KIF26A: variants seen among roughly 807,000 people sequenced by gnomAD.
The protein encoded by KIF26A is kinesin family member 26A, also known as kinesin-like protein KIF26A.
A neutral mutation model predicts 126.0 loss-of-function variants in KIF26A; 74 were observed. That is an observed-to-expected ratio of 0.59 (90% CI 0.49 to 0.71). The LOEUF (loss-of-function observed/expected upper bound fraction) is 0.71. Ranked by LOEUF, KIF26A falls within the 30% of genes least tolerant of loss-of-function variation. The probability of loss-of-function intolerance (pLI) is 0.00; values close to 1 mark genes in which losing one functional copy is unlikely to be tolerated. For missense variants in KIF26A, 2,984 were observed against 2,763.3 expected, an observed-to-expected ratio of 1.08 and a Z score of -1.79; for synonymous variants, 1,445 against 1,232.7, an observed-to-expected ratio of 1.17 and a Z score of -3.61.
chr14:104,167,803 G>A (rs2037921226), intron 5 of KIF26A, among the ~76,000 whole-genome samples: 1 of 152,110 alleles, frequency 6.6e-6, no homozygotes, highest in African/African-American at 2.4e-5. Context: ...CTGCCCCTCG[G>A]CCTGCTCTGC....
At chr14:104,165,529 ATCTTTGTGTCTATGCGTGTG>A (rs2037882971) in intron 4 of KIF26A, among the ~76,000 whole-genome samples, 1 of 102,532 alleles carries the variant, frequency 9.8e-6, no homozygotes. Context: ...GCATGTGTGT[ATCTTTGTGTCTATGCGTGTG>A]TGTGTGTCTG....
In KIF26A at chr14:104,148,908, G is replaced by A. The variant is rs1441013885; in HGVS notation, c.289-3107G>A. Among the ~76,000 whole-genome samples the A allele has an allele frequency of 6.6e-6, 1 of 152,164 alleles. No individual in the cohort carries two copies. Among genetic ancestry groups the A allele is most frequent in the Non-Finnish European group, 1.5e-5 (1 of 68,034 alleles). On this transcript the variant is annotated intron_variant, in intron 2 of 14. Coordinates refer to ENST00000423312, the MANE Select transcript of KIF26A (RefSeq NM_015656.2). The surrounding 1 kb of genome is among the most constrained non-coding windows in gnomAD (Gnocchi z 4.3). ...GAGTGGGGTGCCGAGTTCTCCTCTT[G>A]TCTTAGCTGGACAGTGTGCTGGGCC... is the stretch of plus-strand genomic sequence containing the variant.
intron 4 of KIF26A, among the ~76,000 whole-genome samples, chr14:104,164,258 G>A (rs371284452): frequency 7.9e-5 from 12 of 152,102 alleles, no homozygotes; most frequent in Admixed American, 1.3e-4. Context: ...CTGTGGGGGG[G>A]GCGTGGGGCA....
chr14:104,167,986 T>C (rs1156428494), intron 5 of KIF26A, among the ~76,000 whole-genome samples: 1 of 152,110 alleles, frequency 6.6e-6, no homozygotes, highest in Non-Finnish European at 1.5e-5. Flanking sequence ...TGTGCCCACG[T>C]TGGAGACCCC....
chr14:104,174,138 C>T lies in KIF26A; in HGVS notation c.2031-10C>T, dbSNP rs768237524. ...CAAGGCCTTGGCATCTGAACCGCCT[C>T]GACCCGCAGGGACCACAGGCTCACC... On this transcript the variant is annotated splice_polypyrimidine_tract_variant and intron_variant, in intron 10 of 14. Transcript: ENST00000423312. 15 of 1,549,554 alleles carry T rather than the reference C, an allele frequency of 9.7e-6. No homozygotes were observed. The South Asian group carries it at 1.3e-4, about 14-fold the overall frequency.
chr14:104,175,844 C>T lies in KIF26A; in HGVS notation c.3056C>T (p.Thr1019Ile), dbSNP rs1372857327. Residue 1019 changes from threonine (T) to isoleucine (I), a missense_variant, in exon 12 of 15, where the codon ACC (threonine) becomes ATC (isoleucine). Thr to Ile is a moderately conservative substitution (Grantham distance 89). Coordinates refer to ENST00000423312, the MANE Select transcript of KIF26A (RefSeq NM_015656.2). ...PERGLLTTTV[T>I]LQRPVELNGE... ...CGGGGCCTGCTCACCACCACAGTGA[C>T]CCTGCAGCGGCCAGTGGAGCTCAAC... 6.5e-7 allele frequency: 1 copy of T among 1,539,036 alleles called. No homozygotes were observed. The highest frequency in any genetic ancestry group is 1.2e-5 in the South Asian group (1 of 84,138).
Position 104,148,653 on chromosome 14 carries a change from C to T in KIF26A, c.289-3362C>T, listed in dbSNP as rs1450937294. Among the ~76,000 whole-genome samples the T allele has an allele frequency of 1.3e-4, 2 of 14,932 alleles. No individual in the cohort carries two copies. The highest frequency in any genetic ancestry group is 1.6e-3 in the South Asian group (1 of 642). The allele number at this position is 14,932 out of a possible 152,430, so 9.8% of individuals were successfully genotyped here. On this transcript the variant is annotated intron_variant, in intron 2 of 14. Transcript: ENST00000423312. This position sits in a 1 kb window ranked among gnomAD's most constrained non-coding sequence, Gnocchi z 4.3. ...GTTGTTGTTGGCGGTGGGGGCTGTG[C>T]GTGGCCGGGGAGGGGGAGGGGGAGG... is the stretch of plus-strand genomic sequence containing the variant.
chr14:104,158,493 G>A (rs564601306), intron 4 of KIF26A, among the ~76,000 whole-genome samples: 29 of 152,324 alleles, frequency 1.9e-4, no homozygotes, highest in African/African-American at 6.0e-4. Flanking sequence ...GGGTGCCCAC[G>A]GTGCCAGCCG....
At position 104,177,775 on chromosome 14, in the gene KIF26A, C is replaced by G; in HGVS notation, c.4987C>G (p.Leu1663Val). 1 of 1,548,942 alleles carries G rather than the reference C, an allele frequency of 6.5e-7. No individual in the cohort carries two copies. The highest frequency in any genetic ancestry group is 8.7e-7 in the Non-Finnish European group (1 of 1,154,692). Residue 1663 changes from leucine to valine, a missense_variant, in exon 12 of 15, where the codon CTG (leucine) becomes GTG (valine). Transcript: ENST00000423312. ...HSGGSSGYES[L>V]RRDSEATGSA... is the part of the protein sequence containing the mutation. ...CGGTGGCAGCAGTGGCTATGAGAGC[C>G]TGCGGCGCGACAGCGAGGCCACCGG...
rs529315066 is a variant in KIF26A, at chr14:104,175,345, G to A, written c.2557G>A (p.Gly853Ser). 16 of 1,602,838 alleles carry A rather than the reference G, an allele frequency of 1.0e-5. No homozygotes were observed. Among genetic ancestry groups the A allele is most frequent in the East Asian group, 8.9e-5 (4 of 44,788 alleles). Residue 853 changes from glycine (G) to serine (S), a missense_variant, in exon 12 of 15, where the codon GGC (glycine) becomes AGC (serine). Gly to Ser is a moderately conservative substitution (Grantham distance 56). Coordinates refer to ENST00000423312, the MANE Select transcript of KIF26A (RefSeq NM_015656.2). The stretch of plus-strand genomic sequence containing the variant: ...GCAGGAGCGGCTGGAATGCATGGAC[G>A]GCAACGAGGGTCCCTCAGGAGGTCC... ...ELQERLECMD[G>S]NEGPSGGPGG...
chr14:104,147,224 TA>T (rs889686011), intron 2 of KIF26A, among the ~76,000 whole-genome samples: 32 of 152,134 alleles, frequency 2.1e-4, no homozygotes, highest in African/African-American at 7.0e-4. Context: ...GTCTGGCCTT[TA>T]ACCACCCATA....
intron 4 of KIF26A, among the ~76,000 whole-genome samples, chr14:104,165,705 C>G (rs1359848272): frequency 1.4e-5 from 2 of 139,338 alleles, no homozygotes; most frequent in African/African-American, 6.6e-5. Context: ...GTCTCTGTCT[C>G]TGTGCATATG....
At position 104,166,844 on chromosome 14, in the gene KIF26A, G is replaced by C. The variant is rs2037909417; in HGVS notation, c.924-15G>C. On this transcript the variant is annotated splice_polypyrimidine_tract_variant and intron_variant, in intron 4 of 14. Coordinates refer to ENST00000423312, the MANE Select transcript of KIF26A (RefSeq NM_015656.2). ...GTCACCCACCACTGATCCTGCCTCT[G>C]CCTCTCCTCCCCAGGGCTATGCAGA... The C allele has an allele frequency of 6.5e-7, 1 of 1,545,006 alleles. No individual in the cohort carries two copies. Among genetic ancestry groups the C allele is most frequent in the Non-Finnish European group, 8.7e-7 (1 of 1,143,110 alleles).
At position 104,174,289 on chromosome 14, in the gene KIF26A, C is replaced by T. The variant is rs986747440; in HGVS notation, c.2172C>T (p.Arg724=). Residue 724 remains arginine, a synonymous_variant, in exon 11 of 15, where the codon CGC becomes CGT. Transcript: ENST00000423312. ...TGCAGCTCGCCGCCCGCATCCACCG[C>T]CTGCGCAGGAAGAAGGCCAAGGTGC... ...STVQLAARIH[R]LRRKKAKYAS... 1.9e-6 allele frequency: 3 copies of T among 1,555,940 alleles called. No homozygotes were observed. The highest frequency in any genetic ancestry group is 2.6e-6 in the Non-Finnish European group (3 of 1,151,086).
In KIF26A at chr14:104,152,560, C is replaced by G; in HGVS notation, c.735+99C>G. 8.2e-7 allele frequency: 1 copy of G among 1,224,296 alleles called. No homozygotes were observed. The highest frequency in any genetic ancestry group is 1.1e-6 in the Non-Finnish European group (1 of 903,468). The allele number at this position is 1,224,296 out of a possible 1,614,324, so 75.8% of individuals were successfully genotyped here. On this transcript the variant is annotated intron_variant, in intron 3 of 14. Coordinates refer to ENST00000423312, the MANE Select transcript of KIF26A (RefSeq NM_015656.2). This position sits in a 1 kb window ranked among gnomAD's most constrained non-coding sequence, Gnocchi z 5.9. ...CCACGTTGAGTGCCCTGCAGTAAGG[C>G]TTCCCTGAAGGGAGGGGACGGCGGG...
intron 2 of KIF26A, among the ~76,000 whole-genome samples, chr14:104,146,798 G>A (rs1407046042): frequency 6.6e-6 from 1 of 152,186 alleles, no homozygotes. Flanking sequence ...AAAGCCCCGA[G>A]ATGGGCCTGG....
intron 3 of KIF26A, among the ~76,000 whole-genome samples, chr14:104,154,929 G>A (rs2037762786): frequency 6.6e-6 from 1 of 152,168 alleles, no homozygotes; most frequent in Admixed American, 6.5e-5. Flanking sequence ...TGGGCTGCAG[G>A]GGCCCTGGAG....
chr14:104,141,705 G>A (rs1023988694), intron 2 of KIF26A, among the ~76,000 whole-genome samples: 9 of 151,938 alleles, frequency 5.9e-5, no homozygotes, highest in South Asian at 4.1e-4. Context: ...GTAGAGGGAG[G>A]CGTAGAGGGT....
chr14:104,156,191 A>G (rs1046910117), intron 3 of KIF26A, among the ~76,000 whole-genome samples: 2 of 152,212 alleles, frequency 1.3e-5, no homozygotes, highest in African/African-American at 4.8e-5. Flanking sequence ...TGTAACTTTA[A>G]AGATCACTCT....
Sources: allele counts gnomAD v4.1 joint callset (sites outside exome capture counted in the v4.1 genomes callset), GRCh38; gene constraint gnomAD v4.1.1; non-coding constraint Gnocchi (gnomAD v3.1); transcripts MANE v1.5; gene names NCBI Gene and HGNC (gene_info 2026-07-23, HGNC 2026-07-21).